The following BIRC3 variants were observed in gnomAD, a reference collection of about 807,000 sequenced individuals.
BIRC3 encodes the protein baculoviral IAP repeat containing 3.
A neutral mutation model predicts 59.0 loss-of-function variants in BIRC3; 26 were observed. That is an observed-to-expected ratio of 0.44 (90% CI 0.32 to 0.61). BIRC3 has a LOEUF of 0.61. Among genes scored for constraint, BIRC3 ranks in the 20% least tolerant of loss-of-function variants. The probability of loss-of-function intolerance (pLI) is 0.04; values close to 1 mark genes in which losing one functional copy is unlikely to be tolerated. For missense variants in BIRC3, 641 were observed against 711.5 expected, an observed-to-expected ratio of 0.90 and a Z score of 1.13; for synonymous variants, 243 against 249.2, an observed-to-expected ratio of 0.98 and a Z score of 0.24.
rs754391604 is a variant in BIRC3, at chr11:102,335,999, C to G, written c.1358C>G (p.Ala453Gly). 7.4e-6 allele frequency: 12 copies of G among 1,610,874 alleles called. No individual in the cohort carries two copies. In the South Asian group the frequency reaches 1.1e-4, roughly 15 times the overall value. Reference sequence around the variant, plus strand: ...TTATTAATCCGGAAGAATAGAATGGCACTTTTTCAACATTTGACTTGTGTA... The same window carrying G: ...TTATTAATCCGGAAGAATAGAATGGGACTTTTTCAACATTTGACTTGTGTA... ...DLLLIRKNRM[A>G]LFQHLTCVIP... The change falls in exon 7 of 9, where the codon GCA becomes GGA. Residue 453 changes from alanine to glycine, a missense_variant. Physicochemically the swap from Ala to Gly is moderately conservative, Grantham distance 60. This residue lies in a region of BIRC3 where 268 missense variants were observed against 255.7 expected (regional missense o/e 1.05). Coordinates refer to ENST00000263464, the MANE Select transcript of BIRC3 (RefSeq NM_001165.5).
At chr11:102,335,355 A>G (rs1473083827) in intron 6 of BIRC3, among the ~76,000 whole-genome samples, 2 of 152,216 alleles carry the variant, frequency 1.3e-5, no homozygotes, top group African/African-American at 4.8e-5. Context: ...ATTGAATTGA[A>G]ACGTCAATTT....
chr11:102,327,638 T>TA (rs879364900), intron 3 of BIRC3, among the ~76,000 whole-genome samples: 147 of 143,004 alleles, frequency 1.0e-3, no homozygotes, highest in East Asian at 3.8e-3. Flanking sequence ...AGACTCTGTC[T>TA]AAAAAAAAAA....
At chr11:102,330,877 A>G in intron 5 of BIRC3, 122 bp from the exon 6 acceptor site, 1 of 1,007,614 alleles carries the variant, frequency 9.9e-7, no homozygotes, top group Non-Finnish European at 1.4e-6. Flanking sequence ...ATGCCTATAC[A>G]TTTTGTTGGT....
Position 102,324,802 on chromosome 11 carries a change from G to A in BIRC3, c.293G>A (p.Ser98Asn), listed in dbSNP as rs769968870. ...KLYPSCRFVQ[S>N]LNSVNNLEAT... ...TATCCTAGCTGCAGATTCGTTCAGA[G>A]TCTAAATTCCGTTAACAACTTGGAA... is the stretch of plus-strand genomic sequence containing the variant. The change falls in exon 2 of 9, where the codon AGT (serine) becomes AAT (asparagine). Residue 98 changes from serine to asparagine, a missense_variant. Transcript: ENST00000263464. 15 of 1,614,180 alleles carry A rather than the reference G, an allele frequency of 9.3e-6. No homozygotes were observed. Among genetic ancestry groups the A allele is most frequent in the Non-Finnish European group, 1.2e-5 (14 of 1,180,024 alleles).
chr11:102,331,309 T>C, intron 6 of BIRC3, 68 bp downstream of exon 6: 1 of 1,426,316 alleles, frequency 7.0e-7, no homozygotes, highest in Non-Finnish European at 9.2e-7. Flanking sequence ...TTATGAAAAA[T>C]ATACTCATCT....
At chr11:102,336,472 T>G in intron 7 of BIRC3, 1 of 557,752 alleles carries the variant, frequency 1.8e-6, no homozygotes, top group Non-Finnish European at 3.1e-6. Flanking sequence ...GTATGCCTGG[T>G]AATCCCAGCT....
rs1407671844 is a variant in BIRC3 at position 102,336,901 on chromosome 11, C to G, written c.1622-8C>G. ...TGCCTTTTATTAAAAATTCTTTCCT[C>G]TTTCTAGATCTACCAGTGGAAGAAC... On this transcript the variant is annotated splice_region_variant and splice_polypyrimidine_tract_variant and intron_variant, in intron 8 of 8. Coordinates refer to ENST00000263464, the MANE Select transcript of BIRC3 (RefSeq NM_001165.5). 6.3e-7 allele frequency: 1 copy of G among 1,592,832 alleles called. No individual in the cohort carries two copies.
Position 102,325,521 on chromosome 11 carries a change from A to C in BIRC3, c.909A>C (p.Glu303Asp). 1 of 1,613,054 alleles carries C rather than the reference A, an allele frequency of 6.2e-7. No individual in the cohort carries two copies. Among genetic ancestry groups the C allele is most frequent in the East Asian group, 2.2e-5 (1 of 44,870 alleles). The part of the protein sequence containing the change: ...FCCDGGLRCW[E>D]SGDDPWVQHA... ...GTGATGGTGGACTCAGGTGTTGGGA[A>C]TCTGGAGATGATCCATGGGTTCAAC... Residue 303 changes from glutamate to aspartate, a missense_variant, in exon 3 of 9, where the codon GAA (glutamate) becomes GAC (aspartate). Physicochemically the swap from Glu to Asp is conservative, Grantham distance 45 (BLOSUM62 2). Coordinates refer to ENST00000263464, the MANE Select transcript of BIRC3 (RefSeq NM_001165.5).
rs1193655352 is a variant in BIRC3 at position 102,331,139 on chromosome 11, G to A, written c.1222G>A (p.Glu408Lys). 2.5e-6 allele frequency: 4 copies of A among 1,613,778 alleles called. No individual in the cohort carries two copies. Among genetic ancestry groups the A allele is most frequent in the African/African-American group, 1.3e-5 (1 of 75,016 alleles). Residue 408 changes from glutamate to lysine, a missense_variant, in exon 6 of 9, where the codon GAG becomes AAG. Glu to Lys is a moderately conservative substitution (Grantham distance 56). Around this residue, in one of 4 missense-constraint regions of BIRC3, gnomAD observed 268 missense variants for 255.7 expected, o/e 1.05. Transcript: ENST00000263464. ...TCAGAGAAAAATCCTAGCAACTGGA[G>A]AGAATTATAGACTAGTCAATGATCT... ...TVQRKILATGENYRLVNDLVL... is the reference protein window; with the variant it reads ...TVQRKILATGKNYRLVNDLVL...
Position 102,336,771 on chromosome 11 carries a change from A to G in BIRC3, c.1591A>G (p.Ile531Val), listed in dbSNP as rs771295858. 1 of 1,607,720 alleles carries G rather than the reference A, an allele frequency of 6.2e-7. No individual in the cohort carries two copies. The highest frequency in any genetic ancestry group is 1.3e-5 in the African/African-American group (1 of 74,598). Reference sequence around the variant, plus strand: ...TTTTTCTCCCTTAGTGCAACAGGACATAAAATATATTCCCACAGAAGATGT... The same window carrying G: ...TTTTTCTCCCTTAGTGCAACAGGACGTAAAATATATTCCCACAGAAGATGT... The part of the protein sequence containing the change: ...LYEHLFVQQD[I>V]KYIPTEDVSD... The change falls in exon 8 of 9, where the codon ATA becomes GTA. Residue 531 changes from isoleucine (I) to valine (V), a missense_variant. This residue lies in a region of BIRC3 where 268 missense variants were observed against 255.7 expected (regional missense o/e 1.05). Transcript: ENST00000263464.
intron 1 of BIRC3, among the ~76,000 whole-genome samples, chr11:102,321,455 C>A (rs2408344): frequency 0.72 from 109,757 of 151,964 alleles, 40,174 homozygotes; most frequent in African/African-American, 0.84. Flanking sequence ...CCCAGGCTCA[C>A]ATGATTCTCC....
In BIRC3 at chr11:102,328,915, A is replaced by G; in HGVS notation, c.1051A>G (p.Ser351Gly). The G allele has an allele frequency of 1.4e-6, 2 of 1,400,406 alleles. No homozygotes were observed. The highest frequency in any genetic ancestry group is 9.3e-7 in the Non-Finnish European group (1 of 1,071,800). 86.7% of individuals were successfully genotyped at this position (1,400,406 alleles called of 1,614,324 possible). ...LLEQLLSTSD[S>G]PGDENAESSI... is the part of the protein sequence containing the mutation. The stretch of plus-strand genomic sequence containing the variant: ...TCTGCAGCTGCTATCCACATCAGAC[A>G]GCCCAGGAGATGAAAATGCAGAGTC... The change falls in exon 5 of 9, where the codon AGC (serine) becomes GGC (glycine). Residue 351 changes from serine (S) to glycine (G), a missense_variant. Coordinates refer to ENST00000263464, the MANE Select transcript of BIRC3 (RefSeq NM_001165.5).
At position 102,328,125 on chromosome 11, in the gene BIRC3, G is replaced by C. The variant is rs754759697; in HGVS notation, c.1027G>C (p.Glu343Gln). ...TCAAGCCAGTTACCCTCATCTACTTGAACAGGTAGGGCAAGTTCTTTTTTT... is the reference window on the plus strand; with the variant it reads ...TCAAGCCAGTTACCCTCATCTACTTCAACAGGTAGGGCAAGTTCTTTTTTT... ...QVQASYPHLL[E>Q]QLLSTSDSPG... Residue 343 changes from glutamate (E) to glutamine (Q), a missense_variant, in exon 4 of 9, where the codon GAA becomes CAA. By Grantham distance (29) the Glu-to-Gln change is conservative (BLOSUM62 2). Transcript: ENST00000263464. The C allele has an allele frequency of 1.9e-6, 3 of 1,607,046 alleles. No individual in the cohort carries two copies. The highest frequency in any genetic ancestry group is 2.5e-6 in the Non-Finnish European group (3 of 1,177,686).
At chr11:102,321,678 T>C (rs1178187682) in intron 1 of BIRC3, among the ~76,000 whole-genome samples, 159 bp from the exon 2 acceptor site, 1 of 152,214 alleles carries the variant, frequency 6.6e-6, no homozygotes, top group Non-Finnish European at 1.5e-5. Flanking sequence ...TTTATCTCTT[T>C]TTGGCCTCTA....
Position 102,337,068 on chromosome 11 carries a change from C to G in BIRC3, c.1781C>G (p.Thr594Arg). ...SLRKCPICRS[T>R]IKGTVRTFLS ...AGAAAGTGTCCTATTTGTAGGAGTACAATCAAGGGTACAGTTCGTACATTT... is the reference window on the plus strand; with the variant it reads ...AGAAAGTGTCCTATTTGTAGGAGTAGAATCAAGGGTACAGTTCGTACATTT... Residue 594 changes from threonine (T) to arginine (R), a missense_variant, in exon 9 of 9, where the codon ACA becomes AGA. Thr to Arg is a moderately conservative substitution (Grantham distance 71). This residue lies in a region of BIRC3 where 41 missense variants were observed against 73.4 expected (regional missense o/e 0.56). Coordinates refer to ENST00000263464, the MANE Select transcript of BIRC3 (RefSeq NM_001165.5). 1 of 1,577,934 alleles carries G rather than the reference C, an allele frequency of 6.3e-7. No individual in the cohort carries two copies. The highest frequency in any genetic ancestry group is 1.2e-5 in the South Asian group (1 of 82,042).
Position 102,338,107 on chromosome 11 carries a change from A to G in BIRC3, c.*1005A>G. On this transcript the variant is annotated 3_prime_UTR_variant, in exon 9 of 9. Transcript: ENST00000263464. ...TGGGACCAACAGGTTGTTCTGGTAA[A>G]TAAATCTGTTTCATATTGTCAGTGC... The G allele has an allele frequency of 8.8e-6, 2 of 228,432 alleles. No homozygotes were observed. The highest frequency in any genetic ancestry group is 1.7e-5 in the Non-Finnish European group (2 of 115,076). The allele number at this position is 228,432 out of a possible 1,614,324, so 14.2% of individuals were successfully genotyped here. A position where few individuals can be genotyped will look rare whatever the true frequency, so the allele number is the denominator to read the frequency against.
At chr11:102,329,378 TGA>T (rs1220319175) in intron 5 of BIRC3, among the ~76,000 whole-genome samples, 5 of 152,184 alleles carry the variant, frequency 3.3e-5, no homozygotes, top group Non-Finnish European at 5.9e-5. Flanking sequence ...AAAGGTTAAA[TGA>T]CTTGTACATC....
rs1487336560 is a variant in BIRC3 at position 102,339,231 on chromosome 11, T to C, written c.*2129T>C. On this transcript the variant is annotated 3_prime_UTR_variant, in exon 9 of 9. Coordinates refer to ENST00000263464, the MANE Select transcript of BIRC3 (RefSeq NM_001165.5). ...ATGTGTTTTTTTTTTTATCTAGTTC[T>C]TGTATACTACAGATAATATTTGAAC... 1 of 194,172 alleles carries C rather than the reference T, an allele frequency of 5.2e-6. No homozygotes were observed. The highest frequency in any genetic ancestry group is 1.1e-5 in the Non-Finnish European group (1 of 93,406). The allele number at this position is 194,172 out of a possible 1,614,324, so 12.0% of individuals were successfully genotyped here.
Position 102,338,755 on chromosome 11 carries a change from G to A in BIRC3, c.*1653G>A, listed in dbSNP as rs898110489. ...GCTCTTACATAGTTAGGTGAGGAAA[G>A]ATTAGAGTACTATCTTTAAGATGTA... On this transcript the variant is annotated 3_prime_UTR_variant, in exon 9 of 9. Coordinates refer to ENST00000263464, the MANE Select transcript of BIRC3 (RefSeq NM_001165.5). The A allele has an allele frequency of 8.8e-6, 2 of 228,044 alleles. No homozygotes were observed. The highest frequency in any genetic ancestry group is 1.7e-5 in the Non-Finnish European group (2 of 114,922). The allele number at this position is 228,044 out of a possible 1,614,324, so 14.1% of individuals were successfully genotyped here.
Sources: allele counts gnomAD v4.1 joint callset (sites outside exome capture counted in the v4.1 genomes callset), GRCh38; gene constraint gnomAD v4.1.1; regional missense constraint gnomAD v4.1.1; transcripts MANE v1.5; gene names NCBI Gene and HGNC (gene_info 2026-07-23, HGNC 2026-07-21).